The following TEPSIN variants were observed in gnomAD, a reference collection of about 807,000 sequenced individuals.
TEPSIN encodes AP-4 complex accessory subunit tepsin.
Under a neutral mutation model 48.5 loss-of-function variants are expected in TEPSIN, and 50 were observed. That is an observed-to-expected ratio of 1.03 (90% confidence interval 0.82 to 1.31). The LOEUF is 1.31. TEPSIN is among the 50% of genes most tolerant of loss of function. The pLI is 0.00. For missense variants in TEPSIN, 838 were observed against 815.9 expected (o/e 1.03, Z -0.33); for synonymous variants, 392 against 358.8 (o/e 1.09, Z -1.05).
intron 4 of TEPSIN, among the ~76,000 whole-genome samples, chr17:81,235,606 A>C (rs2062706243): frequency 1.3e-5 from 2 of 149,886 alleles, no homozygotes; most frequent in East Asian, 2.0e-4. Context: ...TGCAGCCCCC[A>C]CCCCAGGGCG....
At position 81,230,733 on chromosome 17, in the gene TEPSIN, G is replaced by T; in HGVS notation, c.1099-55C>A. 6.8e-7 allele frequency: 1 copy of T among 1,468,232 alleles called. No homozygotes were observed. The allele number at this position is 1,468,232 out of a possible 1,614,324, so 91.0% of individuals were successfully genotyped here. On this transcript the variant is annotated intron_variant, in intron 11 of 12. Transcript: ENST00000637944. This position sits in a 1 kb window ranked among gnomAD's most constrained non-coding sequence, Gnocchi z 4.2. ...CCATGGGGCAGCAGGTCCACGCCAG[G>T]GAGGCCTATTTGGCCATCTCTCTCC...
At chr17:81,229,552 T>A in intron 12 of TEPSIN, 76 bp from the exon 13 acceptor site, 1 of 1,461,086 alleles carries the variant, frequency 6.8e-7, no homozygotes, top group Non-Finnish European at 9.3e-7. Context: ...CGCTTCTCCC[T>A]AGGACCTCCT....
At chr17:81,232,080 C>T in intron 8 of TEPSIN, 59 bp from the exon 9 acceptor site, 1 of 1,558,172 alleles carries the variant, frequency 6.4e-7, no homozygotes, top group Non-Finnish European at 8.7e-7. Context: ...CCCATGCCCA[C>T]CTCCCGGGGC....
At chr17:81,232,219 G>T in intron 8 of TEPSIN, 96 bp downstream of exon 8, 1 of 1,365,646 alleles carries the variant, frequency 7.3e-7, no homozygotes, top group South Asian at 1.5e-5. Flanking sequence ...CCTGCTGTGT[G>T]GGAGGCCCTG....
At position 81,236,759 on chromosome 17, in the gene TEPSIN, AG is replaced by A; in HGVS notation, c.255del (p.Phe86SerfsTer135). 1 of 1,574,886 alleles carries A rather than the reference AG, an allele frequency of 6.3e-7. No individual in the cohort carries two copies. Among genetic ancestry groups the A allele is most frequent in the East Asian group, 2.4e-5 (1 of 42,492 alleles). On this transcript the variant is annotated frameshift_variant, in exon 4 of 13. Transcript: ENST00000637944. LOFTEE classifies it high-confidence loss of function. Reference sequence around the variant, plus strand: ...TTGCGTTTGAGGATGAGCAGGAAGAAGGAGGAGCCGTGGCTGCACAGATAGA... The same window carrying A: ...TTGCGTTTGAGGATGAGCAGGAAGAAGAGGAGCCGTGGCTGCACAGATAGA... ...ILLYLCSHGS[S>X]FFLLILKRNS...
chr17:81,238,402 G>T, intron 1 of TEPSIN: 1 of 271,540 alleles, frequency 3.7e-6, no homozygotes, highest in Non-Finnish European at 5.6e-6. Flanking sequence ...CCCCCTCTGA[G>T]GTCCAGCCCA....
intron 8 of TEPSIN, 22 bp downstream of exon 8, chr17:81,232,293 G>A (rs1322847579): frequency 2.0e-6 from 3 of 1,504,624 alleles, no homozygotes; most frequent in South Asian, 2.5e-5. Context: ...GACCCCAAGG[G>A]GAGGAGCCCT....
At position 81,230,461 on chromosome 17, in the gene TEPSIN, G is replaced by C. The variant is rs767797607; in HGVS notation, c.1233+83C>G. The C allele has an allele frequency of 1.6e-4, 242 of 1,554,356 alleles. No homozygotes were observed. Among genetic ancestry groups the C allele is most frequent in the Admixed American group, 3.5e-4 (20 of 56,668 alleles). On this transcript the variant is annotated intron_variant, in intron 12 of 12. Coordinates refer to ENST00000637944, the MANE Select transcript of TEPSIN (RefSeq NM_001363764.2). This position sits in a 1 kb window ranked among gnomAD's most constrained non-coding sequence, Gnocchi z 4.2. ...GGAAGGGCTGACCAGGCGCCGGGCA[G>C]GGACGGGGTGGCCGTGGACTGCAGC...
intron 8 of TEPSIN, 113 bp from the exon 9 acceptor site, chr17:81,232,134 G>GC: frequency 7.2e-6 from 10 of 1,389,452 alleles, no homozygotes; most frequent in Non-Finnish European, 9.6e-6. Flanking sequence ...AGCTGAGGAT[G>GC]GGTGGCCACC....
chr17:81,230,376 A>T lies in TEPSIN; in HGVS notation c.1233+168T>A. On this transcript the variant is annotated intron_variant, in intron 12 of 12. Coordinates refer to ENST00000637944, the MANE Select transcript of TEPSIN (RefSeq NM_001363764.2). This position sits in a 1 kb window ranked among gnomAD's most constrained non-coding sequence, Gnocchi z 4.2. ...AAGGCGGGAAGGCAATGGGGAGGTG[A>T]GGACCCTGACTTGCTGCTGCTCCCT... 1.1e-6 allele frequency: 1 copy of T among 883,658 alleles called. No homozygotes were observed. The highest frequency in any genetic ancestry group is 1.7e-6 in the Non-Finnish European group (1 of 592,892). 54.7% of individuals were successfully genotyped at this position (883,658 alleles called of 1,614,324 possible). A position where few individuals can be genotyped will look rare whatever the true frequency, so the allele number is the denominator to read the frequency against.
In TEPSIN at chr17:81,233,251, C is replaced by A. The variant is rs2062654459; in HGVS notation, c.526+181G>T. 1.8e-5 allele frequency: 13 copies of A among 723,270 alleles called. No individual in the cohort carries two copies. The East Asian group carries it at 3.6e-4, about 20-fold the overall frequency. The allele number at this position is 723,270 out of a possible 1,614,324, so 44.8% of individuals were successfully genotyped here. On this transcript the variant is annotated intron_variant, in intron 7 of 12. Transcript: ENST00000637944. This position sits in a 1 kb window ranked among gnomAD's most constrained non-coding sequence, Gnocchi z 5.8. ...ATAAAGCAGCCCTGGCCACACCTGC[C>A]CCACCCCCACGTCAGCAGCCAGAGA...
Position 81,231,973 on chromosome 17 carries a change from TC to T in TEPSIN, c.778del (p.Asp260ThrfsTer15), listed in dbSNP as rs746138537. The T allele has an allele frequency of 6.2e-7, 1 of 1,612,822 alleles. No individual in the cohort carries two copies. The highest frequency in any genetic ancestry group is 2.2e-5 in the East Asian group (1 of 44,874). Reference protein sequence around the residue: ...GQAGGGWDELDSGPSSQNSSQ... With the variant: ...GQAGGGWDELXSGPSSQNSSQ... ...GGAATTCTGAGAGCTGGGGCCGCTG[TC>T]CAGCTCATCCCAGCCCCCTCCGGCC... is the stretch of plus-strand genomic sequence containing the variant. On this transcript the variant is annotated frameshift_variant, in exon 9 of 13. Coordinates refer to ENST00000637944, the MANE Select transcript of TEPSIN (RefSeq NM_001363764.2). LOFTEE classifies it high-confidence loss of function.
At position 81,228,747 on chromosome 17, in the gene TEPSIN, T is replaced by C. The variant is rs1009530289; in HGVS notation, c.*181A>G. ...TGCCACCTGCCATCCCTCGTAGGGA[T>C]TCAAGTCCAAATAGCCAGAGCCTCT... On this transcript the variant is annotated 3_prime_UTR_variant, in exon 13 of 13. Coordinates refer to ENST00000637944, the MANE Select transcript of TEPSIN (RefSeq NM_001363764.2). The C allele has an allele frequency of 8.1e-6, 6 of 741,438 alleles. No homozygotes were observed. In the African/African-American group the frequency reaches 9.1e-5, roughly 11 times the overall value. The allele number at this position is 741,438 out of a possible 1,614,324, so 45.9% of individuals were successfully genotyped here.
intron 2 of TEPSIN, 62 bp downstream of exon 2, chr17:81,237,325 G>A: frequency 6.4e-7 from 1 of 1,553,130 alleles, no homozygotes; most frequent in South Asian, 1.2e-5. Flanking sequence ...GGAACCCTTT[G>A]CACCACTCTG....
intron 7 of TEPSIN, chr17:81,232,882 C>T: frequency 4.0e-6 from 1 of 249,110 alleles, no homozygotes; most frequent in Non-Finnish European, 7.7e-6. Flanking sequence ...GTAGAAGCTG[C>T]CCCGACACCA....
chr17:81,230,998 C>T lies in TEPSIN; in HGVS notation c.1099-320G>A. ...CAGACCCCAGCGAGAAGCACGTGACCTGCTGCCCCGATTGCCTTACCTTCA... is the reference window on the plus strand; with the variant it reads ...CAGACCCCAGCGAGAAGCACGTGACTTGCTGCCCCGATTGCCTTACCTTCA... On this transcript the variant is annotated intron_variant, in intron 11 of 12. Transcript: ENST00000637944. The surrounding 1 kb of genome is among the most constrained non-coding windows in gnomAD (Gnocchi z 4.2). 4.0e-6 allele frequency: 2 copies of T among 506,308 alleles called. No individual in the cohort carries two copies. The highest frequency in any genetic ancestry group is 5.1e-5 in the South Asian group (2 of 38,938). The allele number at this position is 506,308 out of a possible 1,614,324, so 31.4% of individuals were successfully genotyped here.
chr17:81,232,336 C>T lies in TEPSIN; in HGVS notation c.709G>A (p.Gly237Arg), dbSNP rs1176403352. 11 of 1,533,412 alleles carry T rather than the reference C, an allele frequency of 7.2e-6. No individual in the cohort carries two copies. The highest frequency in any genetic ancestry group is 3.9e-5 in the Admixed American group (2 of 50,884). 95.0% of individuals were successfully genotyped at this position (1,533,412 alleles called of 1,614,324 possible). Residue 237 changes from glycine to arginine, a missense_variant, in exon 8 of 13, where the codon GGG (glycine) becomes AGG (arginine). Physicochemically the swap from Gly to Arg is moderately radical, Grantham distance 125 (BLOSUM62 -2). Coordinates refer to ENST00000637944, the MANE Select transcript of TEPSIN (RefSeq NM_001363764.2). ...ATACCTCGGGGACCTGGAATGGCCC[C>T]GGGGAGTAGGTTCCCCAGGGTTGGG... ...GPPTLGNLLP[G>R]AIPGPRAVRH...
rs1351583999 is a variant in TEPSIN at position 81,233,297 on chromosome 17, A to C, written c.526+135T>G. The C allele has an allele frequency of 7.6e-6, 8 of 1,048,982 alleles. No individual in the cohort carries two copies. The highest frequency in any genetic ancestry group is 1.1e-5 in the Non-Finnish European group (8 of 735,498). The allele number at this position is 1,048,982 out of a possible 1,614,324, so 65.0% of individuals were successfully genotyped here. A position where few individuals can be genotyped will look rare whatever the true frequency, so the allele number is the denominator to read the frequency against. ...AGAGAGAGACAGTGGGGACAGCCCCAGGAAGGGTTGAGGCCATGTAGGGGA... is the reference window on the plus strand; with the variant it reads ...AGAGAGAGACAGTGGGGACAGCCCCCGGAAGGGTTGAGGCCATGTAGGGGA... On this transcript the variant is annotated intron_variant, in intron 7 of 12. Transcript: ENST00000637944. The surrounding 1 kb of genome is among the most constrained non-coding windows in gnomAD (Gnocchi z 5.8).
rs938263423 is a variant in TEPSIN, at chr17:81,228,424, T to G, written c.*504A>C. 2 of 194,320 alleles carry G rather than the reference T, an allele frequency of 1.0e-5. No individual in the cohort carries two copies. The highest frequency in any genetic ancestry group is 1.3e-4 in the Admixed American group (2 of 15,782). The allele number at this position is 194,320 out of a possible 1,614,324, so 12.0% of individuals were successfully genotyped here. A position where few individuals can be genotyped will look rare whatever the true frequency, so the allele number is the denominator to read the frequency against. On this transcript the variant is annotated 3_prime_UTR_variant, in exon 13 of 13. Coordinates refer to ENST00000637944, the MANE Select transcript of TEPSIN (RefSeq NM_001363764.2). ...GGAGCAGGTGAGAGCCAGGGAAGGA[T>G]CACGTAGGGATCTGAGACTTGAAAT...
Sources: allele counts gnomAD v4.1 joint callset (sites outside exome capture counted in the v4.1 genomes callset), GRCh38; gene constraint gnomAD v4.1.1; non-coding constraint Gnocchi (gnomAD v3.1); transcripts MANE v1.5; gene names NCBI Gene and HGNC (gene_info 2026-07-23, HGNC 2026-07-21).